Variants in SLC26A5 observed in about 807,000 individuals in gnomAD.
The protein encoded by SLC26A5 is solute carrier family 26 member 5.
In SLC26A5, 51 loss-of-function variants were observed where a neutral mutation model predicts 81.0. The ratio of observed to expected loss-of-function variants is 0.63; its 90% CI spans 0.50 to 0.80. The LOEUF (loss-of-function observed/expected upper bound fraction) is 0.80. SLC26A5 is among the 30% of genes least tolerant of loss of function. SLC26A5 has a pLI of 0.00. For missense variants in SLC26A5, 771 were observed against 905.8 expected (o/e 0.85, Z 1.91); for synonymous variants, 325 against 332.8 (o/e 0.98, Z 0.25).
intron 9 of SLC26A5, 112 bp downstream of exon 9, chr7:103,397,820 T>C: frequency 3.7e-6 from 3 of 814,706 alleles, no homozygotes. Flanking sequence ...CTCAGCTATT[T>C]GATGTATAGA....
At chr7:103,438,373 TATTGAG>T (rs1182358638) in intron 2 of SLC26A5, among the ~76,000 whole-genome samples, 18 of 151,360 alleles carry the variant, frequency 1.2e-4, no homozygotes, top group Admixed American at 1.2e-3. Flanking sequence ...AATTTCTTTA[TATTGAG>T]ATTTCTTTTC....
At chr7:103,372,506 T>C (rs1013974238), downstream of SLC26A5, among the ~76,000 whole-genome samples, 1 of 152,236 alleles carries the variant, frequency 6.6e-6, no homozygotes, top group Non-Finnish European at 1.5e-5. Flanking sequence ...TGTAGTGAGC[T>C]GGTAATTACA....
chr7:103,389,861 C>T (rs1389365184), intron 12 of SLC26A5, among the ~76,000 whole-genome samples: 2 of 152,162 alleles, frequency 1.3e-5, no homozygotes, highest in Non-Finnish European at 2.9e-5. Context: ...CTCCTAACCA[C>T]AGGTTATCTG....
At chr7:103,390,387 T>A in intron 12 of SLC26A5, 42 bp downstream of exon 12, 1 of 1,528,296 alleles carries the variant, frequency 6.5e-7, no homozygotes, top group Non-Finnish European at 9.1e-7. Context: ...GCAAAATCTC[T>A]ACACATGAAA....
At chr7:103,358,998 T>C (rs1036398415) in intron 19 of SLC26A5, among the ~76,000 whole-genome samples, 2 of 151,816 alleles carry the variant, frequency 1.3e-5, no homozygotes, top group Non-Finnish European at 2.9e-5. Context: ...TTTTTTTTTT[T>C]TTTGAGACAA....
At chr7:103,380,699 CAT>C (rs1299176077) in intron 14 of SLC26A5, 150 bp from the exon 15 acceptor site, 2 of 709,878 alleles carry the variant, frequency 2.8e-6, no homozygotes, top group African/African-American at 1.7e-5. Context: ...GGGCTCCACA[CAT>C]ATCACGTTCC....
intron 19 of SLC26A5, among the ~76,000 whole-genome samples, chr7:103,364,972 TA>T (rs1563495581): frequency 7.6e-5 from 11 of 144,870 alleles, no homozygotes; most frequent in Non-Finnish European, 1.4e-4. Flanking sequence ...TATATATATA[TA>T]TATATATATA....
chr7:103,428,720 G>A (rs1019196436), intron 2 of SLC26A5, among the ~76,000 whole-genome samples: 1 of 151,908 alleles, frequency 6.6e-6, no homozygotes, highest in Admixed American at 6.6e-5. Context: ...GTGCCACTAC[G>A]CCTGGCTAAT....
At chr7:103,368,356 G>A (rs928897391) in intron 19 of SLC26A5, 12 of 212,664 alleles carry the variant, frequency 5.6e-5, no homozygotes. Context: ...AATTCTCATT[G>A]TATCCTCCCA....
Position 103,431,520 on chromosome 7 carries a change from C to A in SLC26A5, c.-53-9953G>T, listed in dbSNP as rs1201159892. Among the ~76,000 whole-genome samples, 3 of 152,154 alleles carry A rather than the reference C, an allele frequency of 2.0e-5. No individual in the cohort carries two copies. The South Asian group carries it at 6.2e-4, about 32-fold the overall frequency. The stretch of plus-strand genomic sequence containing the variant: ...AAATTTTTCTTCATAGAGAAAGGGT[C>A]TCATTATGGTGCCCAGGCCGATCTT... On this transcript the variant is annotated intron_variant, in intron 2 of 19. Coordinates refer to ENST00000306312, the MANE Select transcript of SLC26A5 (RefSeq NM_198999.3).
At chr7:103,433,432 A>T (rs1193045060) in intron 2 of SLC26A5, 1 of 152,204 alleles carries the variant, frequency 6.6e-6, no homozygotes, top group Non-Finnish European at 1.5e-5. Flanking sequence ...TGTTGCTAGA[A>T]GTGCCATCAT....
chr7:103,390,273 T>C (rs182001696), intron 12 of SLC26A5, among the ~76,000 whole-genome samples, 156 bp downstream of exon 12: 5 of 152,310 alleles, frequency 3.3e-5, no homozygotes, highest in African/African-American at 7.2e-5. Context: ...CAGTAGGTTA[T>C]AGAGCAGGAT....
intron 8 of SLC26A5, among the ~76,000 whole-genome samples, chr7:103,402,118 T>G (rs1360130535): frequency 6.6e-6 from 1 of 152,216 alleles, no homozygotes; most frequent in Non-Finnish European, 1.5e-5. Context: ...TTGTTTGGAA[T>G]AGTTTCAGAA....
rs562501150 is a variant in SLC26A5, at chr7:103,409,709, G to A, written c.735+676C>T. Among the ~76,000 whole-genome samples, 159 of 151,780 alleles carry A rather than the reference G, an allele frequency of 1.0e-3. 1 individual carries two copies. Among genetic ancestry groups the A allele is most frequent in the Non-Finnish European group, 1.7e-3 (113 of 67,960 alleles). On this transcript the variant is annotated intron_variant, in intron 7 of 19. Transcript: ENST00000306312. Reference sequence around the variant, plus strand: ...TATTTTTTGCCAGTTTGAACTAGCAGGTTTTGTTTTTTTTTTGAGACAGAG... The same window carrying A: ...TATTTTTTGCCAGTTTGAACTAGCAAGTTTTGTTTTTTTTTTGAGACAGAG...
chr7:103,384,248 G>T (rs1220726828), intron 14 of SLC26A5, among the ~76,000 whole-genome samples: 2 of 151,556 alleles, frequency 1.3e-5, no homozygotes, highest in African/African-American at 4.8e-5. Context: ...CTCCTAAATT[G>T]CTGGGATTAT....
chr7:103,353,672 G>A (rs918489456), intron 19 of SLC26A5, among the ~76,000 whole-genome samples: 4 of 152,152 alleles, frequency 2.6e-5, no homozygotes, highest in Non-Finnish European at 5.9e-5. Flanking sequence ...TGTGTTTTAT[G>A]TATGTACTAT....
At chr7:103,391,885 A>G (rs1024153686) in intron 10 of SLC26A5, 150 bp from the exon 11 acceptor site, 20 of 719,184 alleles carry the variant, frequency 2.8e-5, no homozygotes, top group Non-Finnish European at 4.7e-5. Flanking sequence ...TGAGTTCAAA[A>G]TAGGAATTAT....
chr7:103,361,984 G>A (rs753154283), intron 19 of SLC26A5: 10 of 1,613,122 alleles, frequency 6.2e-6, no homozygotes, highest in East Asian at 2.2e-5. Flanking sequence ...ATGCTGATTC[G>A]GAGGACCCAA....
At chr7:103,422,681 T>C (rs749207860) in intron 2 of SLC26A5, among the ~76,000 whole-genome samples, 2 of 152,108 alleles carry the variant, frequency 1.3e-5, no homozygotes, top group Non-Finnish European at 1.5e-5. Flanking sequence ...GACAGCAAAA[T>C]GTGAAGATCT....
Sources: allele counts gnomAD v4.1 joint callset (sites outside exome capture counted in the v4.1 genomes callset), GRCh38; gene constraint gnomAD v4.1.1; transcripts MANE v1.5; gene names NCBI Gene and HGNC (gene_info 2026-07-23, HGNC 2026-07-21).